The following OTOP1 variants were observed in gnomAD, a reference collection of about 807,000 sequenced individuals.
OTOP1 encodes the protein otopetrin 1, also known as proton channel OTOP1.
OTOP1 carries 59 observed loss-of-function variants against 52.9 expected under a neutral mutation model. That is an observed-to-expected ratio of 1.12 (90% CI 0.91 to 1.39). The LOEUF (loss-of-function observed/expected upper bound fraction) is 1.39. OTOP1 is among the 40% of genes most tolerant of loss of function. The pLI, the probability that OTOP1 is intolerant of heterozygous loss-of-function variation, is 0.00. For synonymous variants in OTOP1, 317 were observed against 337.7 expected (o/e 0.94, Z 0.67); for missense variants, 761 against 800.9 (o/e 0.95, Z 0.60).
At chr4:4,196,336 GAGGTC>G (rs1275649114) in intron 5 of OTOP1, among the ~76,000 whole-genome samples, 1 of 152,158 alleles carries the variant, frequency 6.6e-6, no homozygotes, top group African/African-American at 2.4e-5. Context: ...TGGATCACTT[GAGGTC>G]AGGAGTTCGA....
At chr4:4,192,984 C>G (rs1249686522) in intron 5 of OTOP1, among the ~76,000 whole-genome samples, 1 of 152,100 alleles carries the variant, frequency 6.6e-6, no homozygotes, top group East Asian at 1.9e-4. Context: ...TGTGAACGTA[C>G]TTTACTTCAC....
Position 4,197,895 on chromosome 4 carries a change from C to T in OTOP1, c.939G>A (p.Val313=). The change falls in exon 5 of 6, where the codon GTG becomes GTA. Residue 313 remains valine, a synonymous_variant. Coordinates refer to ENST00000296358, the MANE Select transcript of OTOP1 (RefSeq NM_177998.3). Reference sequence around the variant, plus strand: ...GCACGGTCAGGCCCAGGACTGCGCCCACCATGACCCCATCAGACTTGAACT... The same window carrying T: ...GCACGGTCAGGCCCAGGACTGCGCCTACCATGACCCCATCAGACTTGAACT... ...KMQFKSDGVM[V]GAVLGLTVLA... 6.2e-7 allele frequency: 1 copy of T among 1,614,134 alleles called. No homozygotes were observed. Among genetic ancestry groups the T allele is most frequent in the Non-Finnish European group, 8.5e-7 (1 of 1,180,028 alleles).
intron 1 of OTOP1, among the ~76,000 whole-genome samples, chr4:4,217,238 C>G (rs1489739116): frequency 6.6e-6 from 1 of 152,172 alleles, no homozygotes; most frequent in African/African-American, 2.4e-5. Context: ...GGCATTGTGT[C>G]AAGGGCTCAA....
chr4:4,210,258 G>A (rs1332922919), intron 2 of OTOP1, among the ~76,000 whole-genome samples: 3 of 152,156 alleles, frequency 2.0e-5, no homozygotes, highest in Non-Finnish European at 2.9e-5. Flanking sequence ...CCACATTGTC[G>A]CTGTATCACT....
rs1717056269 is a variant in OTOP1 at position 4,212,906 on chromosome 4, C to A, written c.502G>T (p.Val168Phe). The change falls in exon 2 of 6, where the codon GTT (valine) becomes TTT (phenylalanine). Residue 168 changes from valine to phenylalanine, a missense_variant. Physicochemically the swap from Val to Phe is conservative, Grantham distance 50. Coordinates refer to ENST00000296358, the MANE Select transcript of OTOP1 (RefSeq NM_177998.3). ...TGCACTGAATGGGTGACTGGGAAAA[C>A]TCCTTCAGTGGCTGATAAACATTCT... ...FSECLSATEGVFPVTHSVHTL... is the reference protein window; with the variant it reads ...FSECLSATEGFFPVTHSVHTL... The A allele has an allele frequency of 1.2e-6, 2 of 1,614,132 alleles. No homozygotes were observed. The highest frequency in any genetic ancestry group is 2.7e-5 in the African/African-American group (2 of 75,034).
chr4:4,198,812 A>G (rs80055243), intron 4 of OTOP1, among the ~76,000 whole-genome samples: 1 of 152,192 alleles, frequency 6.6e-6, no homozygotes, highest in Non-Finnish European at 1.5e-5. Context: ...CCAAAGCCCT[A>G]AAGGCGATGC....
chr4:4,226,474 C>G lies in OTOP1; in HGVS notation c.391G>C (p.Gly131Arg), dbSNP rs1717435853. ...CGCCTGGACTCACCGCGCAGCCAGC[C>G]GGCACCCGCGTGCGTGTCCTTGAGG... ...FRLKDTHAGA[G>R]WLRGSITLFA... The change falls in exon 1 of 6, where the codon GGC becomes CGC. Residue 131 changes from glycine (G) to arginine (R), a missense_variant. Physicochemically the swap from Gly to Arg is moderately radical, Grantham distance 125. This residue lies in a region of OTOP1 where 632 missense variants were observed against 619.5 expected (regional missense o/e 1.02). Transcript: ENST00000296358. 1 of 1,508,860 alleles carries G rather than the reference C, an allele frequency of 6.6e-7. No individual in the cohort carries two copies. The highest frequency in any genetic ancestry group is 1.4e-5 in the African/African-American group (1 of 69,990). The allele number at this position is 1,508,860 out of a possible 1,614,324, so 93.5% of individuals were successfully genotyped here. A position where few individuals can be genotyped will look rare whatever the true frequency, so the allele number is the denominator to read the frequency against.
intron 5 of OTOP1, among the ~76,000 whole-genome samples, chr4:4,194,203 T>C (rs1716573135): frequency 6.6e-6 from 1 of 152,114 alleles, no homozygotes; most frequent in African/African-American, 2.4e-5. Context: ...TATATGTATA[T>C]TAATATTAAT....
At chr4:4,215,213 G>C (rs1384090956) in intron 1 of OTOP1, among the ~76,000 whole-genome samples, 2 of 152,178 alleles carry the variant, frequency 1.3e-5, no homozygotes, top group Non-Finnish European at 2.9e-5. Context: ...TCACCCCATA[G>C]CCCAGAGTCT....
chr4:4,224,656 T>C (rs2062635305), intron 1 of OTOP1, among the ~76,000 whole-genome samples: 1 of 152,200 alleles, frequency 6.6e-6, no homozygotes, highest in Non-Finnish European at 1.5e-5. Flanking sequence ...AACAACCATT[T>C]TCAGAACAGG....
chr4:4,211,280 C>G (rs1382507288), intron 2 of OTOP1, among the ~76,000 whole-genome samples: 1 of 152,190 alleles, frequency 6.6e-6, no homozygotes, highest in African/African-American at 2.4e-5. Flanking sequence ...AGAAAACTTT[C>G]CAAAGAACCT....
At position 4,197,682 on chromosome 4, in the gene OTOP1, A is replaced by G; in HGVS notation, c.1152T>C (p.Asn384=). 2 of 1,613,178 alleles carry G rather than the reference A, an allele frequency of 1.2e-6. No individual in the cohort carries two copies. The highest frequency in any genetic ancestry group is 1.7e-5 in the Admixed American group (1 of 59,928). The change falls in exon 5 of 6, where the codon AAT becomes AAC. Residue 384 remains asparagine, a synonymous_variant. Coordinates refer to ENST00000296358, the MANE Select transcript of OTOP1 (RefSeq NM_177998.3). ...IDEKSLDESK[N]PARKLDSDLL... ...GGTCCGAGTCCAGTTTGCGGGCCGG[A>G]TTTTTGGACTCATCCAGTGACTTCT...
chr4:4,213,695 G>T (rs1717073108), intron 1 of OTOP1, among the ~76,000 whole-genome samples: 1 of 152,038 alleles, frequency 6.6e-6, no homozygotes, highest in South Asian at 2.1e-4. Flanking sequence ...ATACCTCATT[G>T]TATTTATCCA....
At chr4:4,200,266 C>T (rs1027746915) in intron 4 of OTOP1, among the ~76,000 whole-genome samples, 28 of 151,988 alleles carry the variant, frequency 1.8e-4, no homozygotes, top group Admixed American at 3.3e-4. Flanking sequence ...AAGGCCGAGG[C>T]GGGCGGATCA....
At chr4:4,192,006 A>T (rs939385539) in intron 5 of OTOP1, among the ~76,000 whole-genome samples, 6 of 152,202 alleles carry the variant, frequency 3.9e-5, no homozygotes, top group African/African-American at 1.4e-4. Flanking sequence ...TCTGCTGTTC[A>T]GTTGGCTATA....
chr4:4,213,384 A>G (rs1215761037), intron 1 of OTOP1, among the ~76,000 whole-genome samples: 1 of 152,264 alleles, frequency 6.6e-6, no homozygotes, highest in African/African-American at 2.4e-5. Context: ...CAAAAATTAA[A>G]TAAGATGAAC....
chr4:4,216,718 C>CA (rs1268864905), intron 1 of OTOP1, among the ~76,000 whole-genome samples: 4 of 152,072 alleles, frequency 2.6e-5, no homozygotes, highest in East Asian at 1.9e-4. Flanking sequence ...GTTTTAATTA[C>CA]AAAAAAACAT....
intron 1 of OTOP1, among the ~76,000 whole-genome samples, chr4:4,214,550 C>T (rs1717095572): frequency 6.6e-6 from 1 of 152,040 alleles, no homozygotes. Context: ...TGGAAGCAAC[C>T]CAGCATCCAT....
chr4:4,189,488 C>T (rs1716456599), intron 5 of OTOP1, among the ~76,000 whole-genome samples: 1 of 152,208 alleles, frequency 6.6e-6, no homozygotes, highest in South Asian at 2.1e-4. Flanking sequence ...TAGCCTTCTT[C>T]AGCTTCCTCC....
Sources: gnomAD v4.1 joint callset for allele counts (sites outside exome capture counted in the v4.1 genomes callset) on GRCh38, gnomAD v4.1.1 for gene constraint, gnomAD v4.1.1 regional missense constraint, MANE v1.5 for transcripts, NCBI Gene and HGNC (gene_info 2026-07-23, HGNC 2026-07-21) for gene names.